FLT4: variants seen among roughly 807,000 people sequenced by gnomAD.
FLT4 encodes the protein fms related receptor tyrosine kinase 4.
In FLT4, 30 loss-of-function variants were observed where a neutral mutation model predicts 163.2. The ratio of observed to expected loss-of-function variants is 0.18; its 90% CI spans 0.14 to 0.25. FLT4 has a LOEUF of 0.25. Ranked by LOEUF, FLT4 falls within the 10% of genes least tolerant of loss-of-function variation. FLT4 has a pLI of 1.00. For synonymous variants in FLT4, 884 were observed against 789.5 expected (o/e 1.12, Z -2.01); for missense variants, 1,510 against 1,863.8 (o/e 0.81, Z 3.50).
At chr5:180,646,437 C>T (rs777559300) in intron 1 of FLT4, among the ~76,000 whole-genome samples, 28 of 152,194 alleles carry the variant, frequency 1.8e-4, no homozygotes, top group Non-Finnish European at 3.8e-4. Context: ...ACCGGACCAC[C>T]CACTTGGCCA....
rs1463007642 is a variant in FLT4 at position 180,620,636 on chromosome 5, G to A, written c.2379C>T (p.Leu793=). The part of the protein sequence containing the change: ...GVIAVFFWVL[L]LLIFCNMRRP... ...TCCTCATGTTACAGAAGATGAGGAG[G>A]AGGAGGACCCAGAAGAAGACAGCGA... The change falls in exon 16 of 30, where the codon CTC becomes CTT. Residue 793 remains leucine (L), a synonymous_variant. Coordinates refer to ENST00000261937, the MANE Select transcript of FLT4 (RefSeq NM_182925.5). The surrounding 1 kb of genome is among the most constrained non-coding windows in gnomAD (Gnocchi z 4.4). 1 of 1,613,186 alleles carries A rather than the reference G, an allele frequency of 6.2e-7. No homozygotes were observed.
intron 29 of FLT4, among the ~76,000 whole-genome samples, chr5:180,606,920 C>T: frequency 1.4e-5 from 2 of 142,162 alleles, no homozygotes; most frequent in South Asian, 4.4e-4. Context: ...AAAAAACAAA[C>T]AAACAAACTT....
intron 1 of FLT4, among the ~76,000 whole-genome samples, chr5:180,641,371 G>T (rs566044202): frequency 2.0e-5 from 3 of 152,366 alleles, no homozygotes; most frequent in East Asian, 3.9e-4. Flanking sequence ...AGAGAGCATG[G>T]CCCTGCGGTG....
At chr5:180,605,255 G>A (rs1255313369) in intron 29 of FLT4, among the ~76,000 whole-genome samples, 1 of 152,208 alleles carries the variant, frequency 6.6e-6, no homozygotes, top group African/African-American at 2.4e-5. Flanking sequence ...GAGAGCTACT[G>A]CCTGGCCGAA....
chr5:180,631,912 C>A (rs1764197897), intron 1 of FLT4, 134 bp from the exon 2 acceptor site: 1 of 675,704 alleles, frequency 1.5e-6, no homozygotes, highest in East Asian at 2.7e-5. Context: ...CAGCCAGCAC[C>A]GCGTGGCCTG....
chr5:180,650,169 C>CAAA (rs397719371), upstream of FLT4, among the ~76,000 whole-genome samples: 311 of 82,230 alleles, frequency 3.8e-3, 10 homozygotes, highest in African/African-American at 0.015. Flanking sequence ...GTCTGGGAGC[C>CAAA]AAAAAAAAAA....
rs1764731016 is a variant in FLT4, at chr5:180,636,891, C to T, written c.59-5113G>A. 6.6e-6 allele frequency among the ~76,000 whole-genome samples: 1 copy of T among 152,060 alleles called. No individual in the cohort carries two copies. The highest frequency in any genetic ancestry group is 2.4e-5 in the African/African-American group (1 of 41,402). ...CAGCCGCCTCTCTGCATGCTCCCTCCCCTCTTGTCCTGCATCCCAACCCTG... is the reference window on the plus strand; with the variant it reads ...CAGCCGCCTCTCTGCATGCTCCCTCTCCTCTTGTCCTGCATCCCAACCCTG... On this transcript the variant is annotated intron_variant, in intron 1 of 29. Coordinates refer to ENST00000261937, the MANE Select transcript of FLT4 (RefSeq NM_182925.5). This position sits in a 1 kb window ranked among gnomAD's most constrained non-coding sequence, Gnocchi z 4.3.
chr5:180,630,719 C>G lies in FLT4; in HGVS notation c.236G>C (p.Gly79Ala), dbSNP rs1764049006. 1 of 1,612,090 alleles carries G rather than the reference C, an allele frequency of 6.2e-7. No homozygotes were observed. The change falls in exon 3 of 30, where the codon GGG (glycine) becomes GCG (alanine). Residue 79 changes from glycine (G) to alanine (A), a missense_variant. Gly to Ala is a moderately conservative substitution (Grantham distance 60). Around this residue, in one of 5 missense-constraint regions of FLT4, gnomAD observed 157 missense variants for 178.7 expected, o/e 0.88. Transcript: ENST00000261937. This position sits in a 1 kb window ranked among gnomAD's most constrained non-coding sequence, Gnocchi z 6.3. Reference protein sequence around the residue: ...ATGDKDSEDTGVVRDCEGTDA... With the variant: ...ATGDKDSEDTAVVRDCEGTDA... Reference sequence around the variant, plus strand: ...TGTGCCCTCGCAGTCTCGCACCACCCCCGTGTCCTCGCTGTCCTTGTCTCC... The same window carrying G: ...TGTGCCCTCGCAGTCTCGCACCACCGCCGTGTCCTCGCTGTCCTTGTCTCC...
chr5:180,607,918 G>A (rs1761890474), intron 29 of FLT4: 1 of 598,320 alleles, frequency 1.7e-6, no homozygotes. Flanking sequence ...GCCGCTTGAG[G>A]GCTCTTTGGT....
chr5:180,615,549 G>A (rs1326655925), intron 23 of FLT4, among the ~76,000 whole-genome samples: 2 of 71,740 alleles, frequency 2.8e-5, no homozygotes, highest in Non-Finnish European at 5.5e-5. Flanking sequence ...CACTGGGCCC[G>A]CCGGTCACCT....
chr5:180,613,274 G>T, intron 24 of FLT4, 164 bp from the exon 25 acceptor site: 1 of 569,482 alleles, frequency 1.8e-6, no homozygotes. Flanking sequence ...CTCTACCTGG[G>T]ACCTGTGGGC....
At position 180,630,559 on chromosome 5, in the gene FLT4, C is replaced by T; in HGVS notation, c.396G>A (p.Val132=). ...TGGCCCGCCTCCAAGTCTCACCTCT[C>T]ACGAACACGTAGGAGCTGGCGGCCG... ...GTTAASSYVF[V]RDFEQPFINK... The change falls in exon 3 of 30, where the codon GTG becomes GTA. Residue 132 remains valine, a synonymous_variant. Transcript: ENST00000261937. The surrounding 1 kb of genome is among the most constrained non-coding windows in gnomAD (Gnocchi z 6.3). 1 of 1,612,950 alleles carries T rather than the reference C, an allele frequency of 6.2e-7. No individual in the cohort carries two copies. The highest frequency in any genetic ancestry group is 8.5e-7 in the Non-Finnish European group (1 of 1,179,964).
intron 8 of FLT4, 92 bp downstream of exon 8, chr5:180,628,790 G>C (rs767973260): frequency 1.1e-4 from 96 of 901,596 alleles, no homozygotes; most frequent in Middle Eastern, 9.9e-4. Context: ...AGGTCCTGAC[G>C]GGGAGGACGC....
chr5:180,620,713 A>G lies in FLT4; in HGVS notation c.2302T>C (p.Ser768Pro). 1 of 1,612,436 alleles carries G rather than the reference A, an allele frequency of 6.2e-7. No homozygotes were observed. Residue 768 changes from serine to proline, a missense_variant and splice_region_variant, in exon 16 of 30, where the codon TCC becomes CCC. Coordinates refer to ENST00000261937, the MANE Select transcript of FLT4 (RefSeq NM_182925.5). The surrounding 1 kb of genome is among the most constrained non-coding windows in gnomAD (Gnocchi z 4.4). The part of the protein sequence containing the change: ...NSSASVAVEG[S>P]EDKGSMEIVI... ...ATCTCCATGCTGCCCTTATCCTCGG[A>G]GCCTGCGTGGGCAGAAAGGGGCCGG... is the stretch of plus-strand genomic sequence containing the variant.
At chr5:180,608,153 G>C (rs1391968018) in intron 29 of FLT4, 2 of 700,292 alleles carry the variant, frequency 2.9e-6, no homozygotes, top group Non-Finnish European at 5.2e-6. Context: ...TTGTCCTCCT[G>C]GTTCCTCTTT....
chr5:180,641,510 G>T (rs1035106172), intron 1 of FLT4, among the ~76,000 whole-genome samples: 13 of 152,344 alleles, frequency 8.5e-5, no homozygotes, highest in South Asian at 2.1e-4. Flanking sequence ...AAGGCAGCCA[G>T]AAGCCAGGCT....
chr5:180,609,790 T>G, intron 28 of FLT4, 115 bp downstream of exon 28: 1 of 1,342,632 alleles, frequency 7.4e-7, no homozygotes, highest in Non-Finnish European at 1.1e-6. Flanking sequence ...ACTTGCACTT[T>G]CAAAGGACAG....
chr5:180,641,294 G>A (rs1425668627), intron 1 of FLT4, among the ~76,000 whole-genome samples: 1 of 152,234 alleles, frequency 6.6e-6, no homozygotes, highest in Non-Finnish European at 1.5e-5. Flanking sequence ...CTGTCCCCAG[G>A]CCCAACACAG....
At chr5:180,607,008 G>A (rs1761838566) in intron 29 of FLT4, among the ~76,000 whole-genome samples, 1 of 152,176 alleles carries the variant, frequency 6.6e-6, no homozygotes, top group African/African-American at 2.4e-5. Context: ...AACCCGGGAG[G>A]TGGAGGTTGC....
Sources: gnomAD v4.1 joint callset for allele counts (sites outside exome capture counted in the v4.1 genomes callset) on GRCh38, gnomAD v4.1.1 for gene constraint, gnomAD v4.1.1 regional missense constraint, Gnocchi (gnomAD v3.1) non-coding constraint, MANE v1.5 for transcripts, NCBI Gene and HGNC (gene_info 2026-07-23, HGNC 2026-07-21) for gene names.